Variants in CSMD3 observed in about 807,000 individuals in gnomAD.
The protein encoded by CSMD3 is CUB and Sushi multiple domains 3, also known as CUB and sushi domain-containing protein 3.
In CSMD3, 177 loss-of-function variants were observed where a neutral mutation model predicts 435.2. The observed-to-expected ratio is 0.41, with a 90% CI of 0.36 to 0.46. The LOEUF (loss-of-function observed/expected upper bound fraction) is 0.46. CSMD3 is among the 20% of genes least tolerant of loss of function. The probability of loss-of-function intolerance (pLI) is 0.34; values close to 1 mark genes in which losing one functional copy is unlikely to be tolerated. For missense variants in CSMD3, 4,265 were observed against 4,504.6 expected, an observed-to-expected ratio of 0.95 and a Z score of 1.52; for synonymous variants, 1,656 against 1,520.5, an observed-to-expected ratio of 1.09 and a Z score of -2.07.
At chr8:112,857,206 T>C (rs1407243054) in intron 11 of CSMD3, among the ~76,000 whole-genome samples, 1 of 151,634 alleles carries the variant, frequency 6.6e-6, no homozygotes, top group African/African-American at 2.4e-5. Flanking sequence ...CTTAAAAAAG[T>C]TAACCTAACA....
intron 14 of CSMD3, among the ~76,000 whole-genome samples, chr8:112,689,403 C>A (rs2076083353): frequency 6.6e-6 from 1 of 151,684 alleles, no homozygotes; most frequent in Non-Finnish European, 1.5e-5. Flanking sequence ...GTATTGTATG[C>A]AATATAAAAA....
In CSMD3 at chr8:113,223,821, G is replaced by GA. The variant is rs201166904; in HGVS notation, c.515-49906dup. Among the ~76,000 whole-genome samples the GA allele has an allele frequency of 8.0e-3, 1,149 of 144,112 alleles. 14 individuals are homozygous for GA. Among genetic ancestry groups the GA allele is most frequent in the African/African-American group, 0.028 (1,086 of 39,332 alleles). 94.5% of individuals were successfully genotyped at this position (144,112 alleles called of 152,430 possible). A position where few individuals can be genotyped will look rare whatever the true frequency, so the allele number is the denominator to read the frequency against. Reference sequence around the variant, plus strand: ...CATGTATCTGTGTGTTGTATATAAGGAAAAAAAAACATGTTTCTGCTACTA... The same window carrying GA: ...CATGTATCTGTGTGTTGTATATAAGGAAAAAAAAAACATGTTTCTGCTACTA... On this transcript the variant is annotated intron_variant, in intron 3 of 70. Coordinates refer to ENST00000297405, the MANE Select transcript of CSMD3 (RefSeq NM_198123.2).
intron 22 of CSMD3, among the ~76,000 whole-genome samples, chr8:112,627,048 A>G (rs191499769): frequency 2.4e-4 from 36 of 152,298 alleles, no homozygotes; most frequent in African/African-American, 8.2e-4. Context: ...TACCTCAGGT[A>G]AAATATTCCT....
At chr8:113,328,204 C>T (rs978386908) in intron 1 of CSMD3, among the ~76,000 whole-genome samples, 1 of 151,582 alleles carries the variant, frequency 6.6e-6, no homozygotes, top group African/African-American at 2.4e-5. Flanking sequence ...TTTGGGAGGC[C>T]GAGGCGGGCG....
chr8:113,096,359 T>C (rs569336299), intron 5 of CSMD3, among the ~76,000 whole-genome samples: 22 of 152,290 alleles, frequency 1.4e-4, no homozygotes, highest in Non-Finnish European at 2.8e-4. Context: ...AGATATTCTT[T>C]AGAGCTATTC....
intron 3 of CSMD3, among the ~76,000 whole-genome samples, chr8:113,229,232 C>T (rs1588321246): frequency 1.3e-5 from 2 of 151,588 alleles, no homozygotes; most frequent in Admixed American, 6.6e-5. Flanking sequence ...TTATGTGGTG[C>T]TGTGAAACTA....
intron 22 of CSMD3, among the ~76,000 whole-genome samples, chr8:112,626,630 G>T (rs1834498179): frequency 6.6e-6 from 1 of 152,042 alleles, no homozygotes; most frequent in South Asian, 2.1e-4. Flanking sequence ...AATAATTTTA[G>T]GTACTGTCAG....
chr8:113,091,349 A>G (rs764915046), intron 5 of CSMD3, among the ~76,000 whole-genome samples: 5 of 152,090 alleles, frequency 3.3e-5, no homozygotes, highest in Non-Finnish European at 7.4e-5. Flanking sequence ...TATTAGCATT[A>G]GTTCTCCTTT....
chr8:112,466,490 T>G (rs942025222), intron 32 of CSMD3, among the ~76,000 whole-genome samples: 5 of 152,170 alleles, frequency 3.3e-5, no homozygotes, highest in African/African-American at 1.2e-4. Flanking sequence ...CAAAATGAAC[T>G]GCTATTATTT....
chr8:112,224,947 T>G lies in CSMD3; in HGVS notation c.10965-17A>C, dbSNP rs771150306. 6.2e-7 allele frequency: 1 copy of G among 1,611,444 alleles called. No homozygotes were observed. Among genetic ancestry groups the G allele is most frequent in the Non-Finnish European group, 8.5e-7 (1 of 1,177,690 alleles). ...GGTGCAGTCCTGTTGATGAGAACATTGATTAGCTATGTGTTAACTTTCTTC... is the reference window on the plus strand; with the variant it reads ...GGTGCAGTCCTGTTGATGAGAACATGGATTAGCTATGTGTTAACTTTCTTC... On this transcript the variant is annotated splice_polypyrimidine_tract_variant and intron_variant, in intron 70 of 70. Transcript: ENST00000297405.
chr8:113,149,253 G>A (rs2091750789), intron 4 of CSMD3, among the ~76,000 whole-genome samples: 1 of 151,786 alleles, frequency 6.6e-6, no homozygotes, highest in South Asian at 2.1e-4. Context: ...TGTAGCCTCT[G>A]ACTGTATTTT....
intron 10 of CSMD3, among the ~76,000 whole-genome samples, chr8:112,897,832 A>G (rs1005016371): frequency 6.6e-6 from 1 of 150,992 alleles, no homozygotes; most frequent in African/African-American, 2.4e-5. Context: ...TAAATACAAT[A>G]TAAAAGGACT....
intron 35 of CSMD3, among the ~76,000 whole-genome samples, chr8:112,391,636 G>A (rs1451995576): frequency 2.0e-5 from 3 of 151,506 alleles, no homozygotes; most frequent in Admixed American, 6.6e-5. Flanking sequence ...AGGTTGCAAT[G>A]AGCTGAGATT....
intron 12 of CSMD3, among the ~76,000 whole-genome samples, chr8:112,801,688 G>C (rs928991262): frequency 1.3e-5 from 2 of 151,774 alleles, no homozygotes; most frequent in African/African-American, 4.8e-5. Flanking sequence ...GTGATTCTTA[G>C]GTAGCAGTTT....
chr8:112,251,054 T>C (rs1437664186), intron 63 of CSMD3, among the ~76,000 whole-genome samples: 1 of 151,720 alleles, frequency 6.6e-6, no homozygotes, highest in Non-Finnish European at 1.5e-5. Flanking sequence ...TGAGATTTCA[T>C]GGCAAATAAC....
chr8:112,897,662 A>C lies in CSMD3; in HGVS notation c.1633+23965T>G, dbSNP rs1373009549. Among the ~76,000 whole-genome samples, 3 of 97,298 alleles carry C rather than the reference A, an allele frequency of 3.1e-5. No homozygotes were observed. In the East Asian group the frequency reaches 1.1e-3, roughly 35 times the overall value. 63.8% of individuals were successfully genotyped at this position (97,298 alleles called of 152,430 possible). On this transcript the variant is annotated intron_variant, in intron 10 of 70. Transcript: ENST00000297405. The stretch of plus-strand genomic sequence containing the variant: ...TCTATCGAGAACTCCCTAAAATACT[A>C]TTTCTCTCTCTCTCTCTCTCTCTCT...
intron 13 of CSMD3, among the ~76,000 whole-genome samples, chr8:112,788,085 T>C (rs971046492): frequency 6.6e-6 from 1 of 152,122 alleles, no homozygotes; most frequent in Non-Finnish European, 1.5e-5. Flanking sequence ...CCCTACCATG[T>C]ACCCATAAAA....
At position 112,318,828 on chromosome 8, in the gene CSMD3, A is replaced by G. The variant is rs201674184; in HGVS notation, c.7360+9T>C. On this transcript the variant is annotated intron_variant, in intron 47 of 70. Coordinates refer to ENST00000297405, the MANE Select transcript of CSMD3 (RefSeq NM_198123.2). ...TAAGAAATAAATAATCATAGGAACC[A>G]TTGAATACCTTGACAAACTGGAGGT... 7.0e-6 allele frequency: 11 copies of G among 1,574,628 alleles called. No individual in the cohort carries two copies. In the East Asian group the frequency reaches 1.8e-4, roughly 26 times the overall value.
At chr8:112,326,194 T>C (rs1487133600) in intron 45 of CSMD3, among the ~76,000 whole-genome samples, 1 of 152,214 alleles carries the variant, frequency 6.6e-6, no homozygotes, top group Non-Finnish European at 1.5e-5. Flanking sequence ...TGAGGTGTGA[T>C]GCAGCAGATG....
Sources: gnomAD v4.1 joint callset for allele counts (sites outside exome capture counted in the v4.1 genomes callset) on GRCh38, gnomAD v4.1.1 for gene constraint, MANE v1.5 for transcripts, NCBI Gene and HGNC (gene_info 2026-07-23, HGNC 2026-07-21) for gene names.